CACNA1E: variants seen among roughly 807,000 people sequenced by gnomAD.
CACNA1E encodes voltage-dependent R-type calcium channel subunit alpha-1E.
CACNA1E carries 40 observed loss-of-function variants against 259.2 expected under a neutral mutation model. That is an observed-to-expected ratio of 0.15 (90% CI 0.12 to 0.20). The LOEUF is 0.20. CACNA1E is among the 10% of genes least tolerant of loss of function. The pLI, the probability that CACNA1E is intolerant of heterozygous loss-of-function variation, is 1.00. For missense variants in CACNA1E, 1,874 were observed against 3,040.1 expected (o/e 0.62, Z 9.02); for synonymous variants, 1,104 against 1,138.5 (o/e 0.97, Z 0.61).
chr1:181,742,933 G>A (rs3753744), intron 25 of CACNA1E, among the ~76,000 whole-genome samples: 17,812 of 152,096 alleles, frequency 0.12, 1,066 homozygotes, highest in Admixed American at 0.17. Context: ...TTTTTCATTT[G>A]TTTATTTTTC....
At chr1:181,744,903 G>A (rs907539657) in intron 25 of CACNA1E, among the ~76,000 whole-genome samples, 3 of 152,214 alleles carry the variant, frequency 2.0e-5, no homozygotes, top group Non-Finnish European at 4.4e-5. Context: ...GAGGCCAGCT[G>A]AAAAGGAATT....
intron 7 of CACNA1E, among the ~76,000 whole-genome samples, chr1:181,707,755 A>C (rs1242911196): frequency 6.6e-6 from 1 of 152,126 alleles, no homozygotes; most frequent in Non-Finnish European, 1.5e-5. Context: ...AAGAACTATG[A>C]CTTCTCCTAG....
intron 2 of CACNA1E, among the ~76,000 whole-genome samples, chr1:181,478,091 C>A (rs925901501): frequency 2.6e-5 from 4 of 152,204 alleles, no homozygotes; most frequent in African/African-American, 7.2e-5. Flanking sequence ...CTGCTATTTC[C>A]TAGCTCTGTG....
chr1:181,776,071 CT>C lies in CACNA1E; in HGVS notation c.5140-29del, dbSNP rs986222521. The C allele has an allele frequency of 3.1e-6, 5 of 1,602,200 alleles. No homozygotes were observed. In the Admixed American group the frequency reaches 5.1e-5, roughly 16 times the overall value. ...TCCTGAGCTCTGCTTTAGGTTTCCCCTAACCCCTCTTCTTCCCCTTGCCCTT... is the reference window on the plus strand; with the variant it reads ...TCCTGAGCTCTGCTTTAGGTTTCCCCAACCCCTCTTCTTCCCCTTGCCCTT... On this transcript the variant is annotated intron_variant, in intron 37 of 47. Coordinates refer to ENST00000367573, the MANE Select transcript of CACNA1E (RefSeq NM_001205293.3). The surrounding 1 kb of genome is among the most constrained non-coding windows in gnomAD (Gnocchi z 4.4).
At chr1:181,397,558 A>G (rs1194593181) in intron 1 of CACNA1E, among the ~76,000 whole-genome samples, 1 of 152,160 alleles carries the variant, frequency 6.6e-6, no homozygotes, top group East Asian at 1.9e-4. Flanking sequence ...TCGGCCTCCC[A>G]AAGTGCTGGG....
intron 6 of CACNA1E, among the ~76,000 whole-genome samples, chr1:181,643,857 G>A (rs772747693): frequency 6.6e-6 from 1 of 152,200 alleles, no homozygotes; most frequent in Non-Finnish European, 1.5e-5. Context: ...GAATGTGTGG[G>A]AAGCCTTGCT....
At chr1:181,565,577 T>C (rs1464239875) in intron 3 of CACNA1E, among the ~76,000 whole-genome samples, 1 of 152,246 alleles carries the variant, frequency 6.6e-6, no homozygotes, top group Admixed American at 6.5e-5. Context: ...CCTGATCCTG[T>C]TAACTGTGGC....
intron 1 of CACNA1E, among the ~76,000 whole-genome samples, chr1:181,322,836 GC>G (rs962613437): frequency 2.0e-5 from 3 of 152,190 alleles, no homozygotes; most frequent in Non-Finnish European, 4.4e-5. Context: ...AAGAGAGAGT[GC>G]TCTAGATTCT....
intron 36 of CACNA1E, 54 bp from the exon 37 acceptor site, chr1:181,772,012 T>TATG (rs1474937016): frequency 8.8e-5 from 135 of 1,540,244 alleles, no homozygotes; most frequent in Admixed American, 4.0e-4. Context: ...GGACCAAGAA[T>TATG]ATGATAGGAT....
intron 7 of CACNA1E, among the ~76,000 whole-genome samples, chr1:181,683,530 C>T (rs538230688): frequency 1.2e-4 from 19 of 152,304 alleles, no homozygotes; most frequent in African/African-American, 4.3e-4. Flanking sequence ...CAAATGATTT[C>T]ATCACCCAGA....
At chr1:181,386,805 T>C (rs1316231634) in intron 1 of CACNA1E, among the ~76,000 whole-genome samples, 1 of 152,188 alleles carries the variant, frequency 6.6e-6, no homozygotes, top group African/African-American at 2.4e-5. Context: ...CTCTTAAGCC[T>C]TCCCCAAACA....
At chr1:181,335,813 G>A (rs139576278) in intron 1 of CACNA1E, among the ~76,000 whole-genome samples, 1 of 152,352 alleles carries the variant, frequency 6.6e-6, no homozygotes, top group Non-Finnish European at 1.5e-5. Context: ...ATGTCATGAA[G>A]CAGAGGTATC....
At position 181,519,558 on chromosome 1, in the gene CACNA1E, A is replaced by G. The variant is rs148168102; in HGVS notation, c.512+8048A>G. Among the ~76,000 whole-genome samples, 356 of 152,282 alleles carry G rather than the reference A, an allele frequency of 2.3e-3. 2 individuals are homozygous for G. The highest frequency in any genetic ancestry group is 7.9e-3 in the African/African-American group (329 of 41,554). Reference sequence around the variant, plus strand: ...AATTTTAGATCTAGGAGAATAATAAATTTGCCTAACTTTCCCTTACTTATT... The same window carrying G: ...AATTTTAGATCTAGGAGAATAATAAGTTTGCCTAACTTTCCCTTACTTATT... On this transcript the variant is annotated intron_variant, in intron 3 of 47. Coordinates refer to ENST00000367573, the MANE Select transcript of CACNA1E (RefSeq NM_001205293.3).
intron 25 of CACNA1E, among the ~76,000 whole-genome samples, chr1:181,745,829 A>C (rs1657026133): frequency 6.6e-6 from 1 of 152,236 alleles, no homozygotes; most frequent in Non-Finnish European, 1.5e-5. Flanking sequence ...TCCACTGTTC[A>C]CCAGATTGAA....
In CACNA1E at chr1:181,800,266, A is replaced by T. The variant is rs1210562467; in HGVS notation, c.*1432A>T. The T allele has an allele frequency of 6.5e-6, 1 of 152,790 alleles. No homozygotes were observed. The highest frequency in any genetic ancestry group is 1.5e-5 in the Non-Finnish European group (1 of 68,068). 9.5% of individuals were successfully genotyped at this position (152,790 alleles called of 1,614,324 possible). A position where few individuals can be genotyped will look rare whatever the true frequency, so the allele number is the denominator to read the frequency against. On this transcript the variant is annotated 3_prime_UTR_variant, in exon 48 of 48. Coordinates refer to ENST00000367573, the MANE Select transcript of CACNA1E (RefSeq NM_001205293.3). ...AGGCTCCAGTGGGGCCTCATCATAC[A>T]GGATGACAAGACTGGGGCCCTGTTC...
intron 25 of CACNA1E, among the ~76,000 whole-genome samples, chr1:181,742,082 C>T (rs1435650921): frequency 6.6e-6 from 1 of 152,186 alleles, no homozygotes; most frequent in Non-Finnish European, 1.5e-5. Flanking sequence ...AGCAGGTTCC[C>T]ACTCCCCCTC....
intron 7 of CACNA1E, among the ~76,000 whole-genome samples, chr1:181,680,693 A>G (rs1649870821): frequency 1.3e-5 from 2 of 152,136 alleles, no homozygotes; most frequent in African/African-American, 4.8e-5. Context: ...CCCTGTCCTC[A>G]GTTATCCTCT....
chr1:181,472,729 G>A (rs1456431192), intron 2 of CACNA1E, among the ~76,000 whole-genome samples: 1 of 152,214 alleles, frequency 6.6e-6, no homozygotes, highest in African/African-American at 2.4e-5. Context: ...GTGCGTGTGT[G>A]TGCGCGCGCA....
intron 2 of CACNA1E, among the ~76,000 whole-genome samples, chr1:181,436,169 A>T (rs533433760): frequency 7.2e-5 from 11 of 152,364 alleles, no homozygotes; most frequent in African/African-American, 2.6e-4. Context: ...ACAGTGAGAT[A>T]TCAGTTCACA....
Sources: gnomAD v4.1 joint callset for allele counts (sites outside exome capture counted in the v4.1 genomes callset) on GRCh38, gnomAD v4.1.1 for gene constraint, Gnocchi (gnomAD v3.1) non-coding constraint, MANE v1.5 for transcripts, NCBI Gene and HGNC (gene_info 2026-07-23, HGNC 2026-07-21) for gene names.